Variants in CELSR1 observed in about 807,000 individuals in gnomAD.
CELSR1 encodes the protein adhesion G protein-coupled receptor C1.
In CELSR1, 110 loss-of-function variants were observed where a neutral mutation model predicts 249.1. The observed-to-expected ratio is 0.44, with a 90% CI of 0.38 to 0.52. The LOEUF (loss-of-function observed/expected upper bound fraction) is 0.52. Ranked by LOEUF, CELSR1 falls within the 20% of genes least tolerant of loss-of-function variation. The pLI, the probability that CELSR1 is intolerant of heterozygous loss-of-function variation, is 0.00. For synonymous variants in CELSR1, 2,113 were observed against 1,900.0 expected, an observed-to-expected ratio of 1.11 and a Z score of -2.92; for missense variants, 4,109 against 4,296.4, an observed-to-expected ratio of 0.96 and a Z score of 1.22.
In CELSR1 at chr22:46,410,503, A is replaced by G. The variant is rs1371847452; in HGVS notation, c.4828T>C (p.Phe1610Leu). Reference protein sequence around the residue: ...LGGVPNLPEDFPVHNRQFVGC... With the variant: ...LGGVPNLPEDLPVHNRQFVGC... ...ACGAACTGCCGGTTGTGCACTGGGA[A>G]GTCTTCTGGCAGGTTGGGGACACCC... Residue 1610 changes from phenylalanine to leucine, a missense_variant, in exon 7 of 35, where the codon TTC becomes CTC. Transcript: ENST00000674500. The surrounding 1 kb of genome is among the most constrained non-coding windows in gnomAD (Gnocchi z 6.8). 1 of 1,613,982 alleles carries G rather than the reference A, an allele frequency of 6.2e-7. No individual in the cohort carries two copies. Among genetic ancestry groups the G allele is most frequent in the Non-Finnish European group, 8.5e-7 (1 of 1,180,020 alleles).
At chr22:46,458,643 G>A (rs1041015526) in intron 2 of CELSR1, among the ~76,000 whole-genome samples, 2 of 152,214 alleles carry the variant, frequency 1.3e-5, no homozygotes, top group African/African-American at 4.8e-5. Context: ...CCAGAGGGAA[G>A]AGGCTGGAGG....
In CELSR1 at chr22:46,464,113, G is replaced by A. The variant is rs147056983; in HGVS notation, c.3777C>T (p.Asn1259=). ...NDTDVSSNIL[N]VTFSALLPGG... ...CAGGCAGCAGCGCCGAGAAGGTCAC[G>A]TTCAGGATGTTGGAGCTGACGTCGG... The change falls in exon 2 of 35, where the codon AAC becomes AAT. Residue 1259 remains asparagine, a synonymous_variant. Coordinates refer to ENST00000674500, the MANE Select transcript of CELSR1 (RefSeq NM_001378328.1). The surrounding 1 kb of genome is among the most constrained non-coding windows in gnomAD (Gnocchi z 8.5). The A allele has an allele frequency of 1.1e-4, 173 of 1,613,878 alleles. No homozygotes were observed. The African/African-American group carries it at 1.9e-3, about 18-fold the overall frequency.
At chr22:46,523,154 A>G (rs1257756419) in intron 1 of CELSR1, among the ~76,000 whole-genome samples, 1 of 152,248 alleles carries the variant, frequency 6.6e-6, no homozygotes, top group East Asian at 1.9e-4. Flanking sequence ...ACCAAGTGTC[A>G]TTTAGATTAG....
At chr22:46,432,853 G>A (rs1164825639) in intron 5 of CELSR1, among the ~76,000 whole-genome samples, 1 of 152,038 alleles carries the variant, frequency 6.6e-6, no homozygotes, top group African/African-American at 2.4e-5. Context: ...GGGTCCCTGT[G>A]TACCCCCCGA....
At chr22:46,521,597 A>T (rs1040635207) in intron 1 of CELSR1, among the ~76,000 whole-genome samples, 1 of 152,022 alleles carries the variant, frequency 6.6e-6, no homozygotes, top group Non-Finnish European at 1.5e-5. Flanking sequence ...CAGGCGGATC[A>T]TCTGAGGTCA....
chr22:46,459,225 T>C, intron 2 of CELSR1, among the ~76,000 whole-genome samples: 1 of 152,008 alleles, frequency 6.6e-6, no homozygotes, highest in East Asian at 1.9e-4. Flanking sequence ...GTCGTAATTG[T>C]TTAATTAGGG....
At position 46,386,677 on chromosome 22, in the gene CELSR1, G is replaced by C; in HGVS notation, c.6556-92C>G. On this transcript the variant is annotated intron_variant, in intron 18 of 34. Transcript: ENST00000674500. The stretch of plus-strand genomic sequence containing the variant: ...TGCCCTGAAAGCCTTTGCTTGCCTA[G>C]TGGGCTCATTCATTCATTCCAGCCC... 9 of 1,037,078 alleles carry C rather than the reference G, an allele frequency of 8.7e-6. No homozygotes were observed. The Admixed American group carries it at 1.2e-4, about 14-fold the overall frequency. 64.2% of individuals were successfully genotyped at this position (1,037,078 alleles called of 1,614,324 possible).
In CELSR1 at chr22:46,533,507, A is replaced by G. The variant is rs982197221; in HGVS notation, c.3544+120T>C. On this transcript the variant is annotated intron_variant, in intron 1 of 34. Transcript: ENST00000674500. The stretch of plus-strand genomic sequence containing the variant: ...CCAACCGGCGGCAACAAATCCTTGC[A>G]GAGTTGCCCGGGCCCGGCCCAATTG... 4 of 1,393,410 alleles carry G rather than the reference A, an allele frequency of 2.9e-6. No individual in the cohort carries two copies. The African/African-American group carries it at 4.4e-5, about 15-fold the overall frequency. 86.3% of individuals were successfully genotyped at this position (1,393,410 alleles called of 1,614,324 possible).
chr22:46,537,032 C>A lies in CELSR1; in HGVS notation c.139G>T (p.Gly47Cys). 9.1e-7 allele frequency: 1 copy of A among 1,103,330 alleles called. No individual in the cohort carries two copies. The highest frequency in any genetic ancestry group is 1.1e-6 in the Non-Finnish European group (1 of 906,062). The allele number at this position is 1,103,330 out of a possible 1,614,324, so 68.3% of individuals were successfully genotyped here. The change falls in exon 1 of 35, where the codon GGC becomes TGC. Residue 47 changes from glycine (G) to cysteine (C), a missense_variant. By Grantham distance (159) the Gly-to-Cys change is radical. Transcript: ENST00000674500. This position sits in a 1 kb window ranked among gnomAD's most constrained non-coding sequence, Gnocchi z 5.8. ...GGTRAFALRPGCTYAVGAACT... is the reference protein window; with the variant it reads ...GGTRAFALRPCCTYAVGAACT... The stretch of plus-strand genomic sequence containing the variant: ...GCGGCGCCCACCGCGTAGGTACAGC[C>A]GGGCCGGAGGGCGAAGGCGCGGGTC...
chr22:46,481,566 CA>C, intron 1 of CELSR1: 1 of 946,402 alleles, frequency 1.1e-6, no homozygotes, highest in African/African-American at 1.6e-5. Context: ...AAGCCAGAGG[CA>C]CATGGTGGCA....
intron 24 of CELSR1, among the ~76,000 whole-genome samples, chr22:46,373,978 C>T (rs1029495672): frequency 5.9e-5 from 9 of 152,240 alleles, no homozygotes; most frequent in African/African-American, 1.9e-4. Flanking sequence ...CCTGCTGACA[C>T]ATCAGCCTCG....
rs1228089353 is a variant in CELSR1 at position 46,536,883 on chromosome 22, A to C, written c.288T>G (p.Ser96Arg). The C allele has an allele frequency of 8.2e-7, 1 of 1,225,280 alleles. No homozygotes were observed. The highest frequency in any genetic ancestry group is 2.4e-5 in the South Asian group (1 of 40,848). The allele number at this position is 1,225,280 out of a possible 1,614,324, so 75.9% of individuals were successfully genotyped here. The stretch of plus-strand genomic sequence containing the variant: ...GGCGGCGGCTCAGCGCCGTCGGGGC[A>C]CTGCGGGCCACCAAGCGGACTTGCA... Reference protein sequence around the residue: ...LPLQVRLVARSAPTALSRRLR... With the variant: ...LPLQVRLVARRAPTALSRRLR... Residue 96 changes from serine to arginine, a missense_variant, in exon 1 of 35, where the codon AGT becomes AGG. Physicochemically the swap from Ser to Arg is moderately radical, Grantham distance 110 (BLOSUM62 -1). Coordinates refer to ENST00000674500, the MANE Select transcript of CELSR1 (RefSeq NM_001378328.1).
chr22:46,380,307 G>A lies in CELSR1; in HGVS notation c.7256+481C>T, dbSNP rs2078963476. Among the ~76,000 whole-genome samples, 1 of 152,342 alleles carries A rather than the reference G, an allele frequency of 6.6e-6. No individual in the cohort carries two copies. The highest frequency in any genetic ancestry group is 2.1e-4 in the South Asian group (1 of 4,828). ...ATAAACTGTGCTGCGGCCAGGTGTG[G>A]CCTCTTGGGGGTGAAGCCAGTCCCC... On this transcript the variant is annotated intron_variant, in intron 22 of 34. Transcript: ENST00000674500. This position sits in a 1 kb window ranked among gnomAD's most constrained non-coding sequence, Gnocchi z 5.1.
At chr22:46,507,904 AC>A (rs367636521) in intron 1 of CELSR1, among the ~76,000 whole-genome samples, 1,638 of 151,288 alleles carry the variant, frequency 0.011, 18 homozygotes, top group African/African-American at 0.029. Context: ...ACCTCCTCAC[AC>A]CCCCCTACCT....
At chr22:46,478,366 G>C (rs1421537695) in intron 1 of CELSR1, among the ~76,000 whole-genome samples, 1 of 152,178 alleles carries the variant, frequency 6.6e-6, no homozygotes, top group Admixed American at 6.5e-5. Context: ...CCAAGGCAAA[G>C]ATTAAACGAC....
chr22:46,426,737 A>G (rs1430764025), intron 5 of CELSR1, among the ~76,000 whole-genome samples: 1 of 152,198 alleles, frequency 6.6e-6, no homozygotes, highest in Non-Finnish European at 1.5e-5. Context: ...TGAGCCCCTC[A>G]AGAATGGGAT....
intron 24 of CELSR1, among the ~76,000 whole-genome samples, chr22:46,375,797 G>A (rs1160086174): frequency 4.6e-5 from 7 of 152,026 alleles, no homozygotes; most frequent in Admixed American, 2.0e-4. Context: ...TGCCTGCCTC[G>A]GCCTCCTAAA....
At chr22:46,457,077 C>T (rs1357321030) in intron 2 of CELSR1, among the ~76,000 whole-genome samples, 2 of 152,108 alleles carry the variant, frequency 1.3e-5, no homozygotes, top group Non-Finnish European at 2.9e-5. Context: ...GTCCACGTGG[C>T]GTGGACGTAC....
rs1445073481 is a variant in CELSR1 at position 46,437,544 on chromosome 22, T to G, written c.4407-1255A>C. Among the ~76,000 whole-genome samples the G allele has an allele frequency of 6.6e-6, 1 of 151,982 alleles. No individual in the cohort carries two copies. The highest frequency in any genetic ancestry group is 1.5e-5 in the Non-Finnish European group (1 of 67,988). On this transcript the variant is annotated intron_variant, in intron 3 of 34. Coordinates refer to ENST00000674500, the MANE Select transcript of CELSR1 (RefSeq NM_001378328.1). This position sits in a 1 kb window ranked among gnomAD's most constrained non-coding sequence, Gnocchi z 4.9. ...GCCGAGGTGGGTGGATCACCTGAGG[T>G]CAGGTTGACCAGCCTGGCCAACATG...
Sources: gnomAD v4.1 joint callset for allele counts (sites outside exome capture counted in the v4.1 genomes callset) on GRCh38, gnomAD v4.1.1 for gene constraint, Gnocchi (gnomAD v3.1) non-coding constraint, MANE v1.5 for transcripts, NCBI Gene and HGNC (gene_info 2026-07-23, HGNC 2026-07-21) for gene names.